The following COPS3 variants were observed in gnomAD, a reference collection of about 807,000 sequenced individuals.
COPS3 encodes COP9 signalosome subunit 3.
COPS3 carries 10 observed loss-of-function variants against 58.2 expected under a neutral mutation model. The observed-to-expected ratio is 0.17, with a 90% CI of 0.11 to 0.29. The LOEUF (loss-of-function observed/expected upper bound fraction) is 0.29. Ranked by LOEUF, COPS3 falls within the 10% of genes least tolerant of loss-of-function variation. COPS3 has a pLI of 1.00. For missense variants in COPS3, 333 were observed against 510.1 expected, an observed-to-expected ratio of 0.65 and a Z score of 3.34; for synonymous variants, 187 against 181.7, an observed-to-expected ratio of 1.03 and a Z score of -0.24.
chr17:17,256,095 C>T lies in COPS3; in HGVS notation c.937-1150G>A, dbSNP rs557408213. On this transcript the variant is annotated intron_variant, in intron 8 of 11. Transcript: ENST00000268717. Reference sequence around the variant, plus strand: ...TTGGGAGGCTGAGGCAGGAGAATGGCGTGAACCCAGGAGGTGGAGCTTGTT... The same window carrying T: ...TTGGGAGGCTGAGGCAGGAGAATGGTGTGAACCCAGGAGGTGGAGCTTGTT... Among the ~76,000 whole-genome samples, 20 of 149,860 alleles carry T rather than the reference C, an allele frequency of 1.3e-4. No homozygotes were observed. The South Asian group carries it at 3.8e-3, about 28-fold the overall frequency.
chr17:17,270,213 G>A (rs1266986688), intron 4 of COPS3, among the ~76,000 whole-genome samples: 1 of 151,598 alleles, frequency 6.6e-6, no homozygotes, highest in East Asian at 1.9e-4. Context: ...ACTATACTAT[G>A]TAACAGAATG....
chr17:17,250,178 C>T (rs947129606), intron 9 of COPS3, among the ~76,000 whole-genome samples: 4 of 151,732 alleles, frequency 2.6e-5, no homozygotes, highest in Non-Finnish European at 5.9e-5. Flanking sequence ...TGTGGTCTGG[C>T]TTCCCTTAGC....
chr17:17,262,252 A>G (rs762965468), intron 6 of COPS3, 146 bp from the exon 7 acceptor site: 204 of 787,886 alleles, frequency 2.6e-4, no homozygotes, highest in Admixed American at 8.3e-4. Context: ...GATAGAATTC[A>G]TTTTATTTTT....
chr17:17,280,738 G>T (rs1317203627), intron 1 of COPS3: 8 of 1,239,364 alleles, frequency 6.5e-6, no homozygotes, highest in Non-Finnish European at 8.3e-6. Flanking sequence ...AGCAAGCTGC[G>T]GATCGGCGGC....
At position 17,281,212 on chromosome 17, in the gene COPS3, C is replaced by G. The variant is rs955442762; in HGVS notation, c.-26G>C. 6 of 1,603,524 alleles carry G rather than the reference C, an allele frequency of 3.7e-6. No homozygotes were observed. Among genetic ancestry groups the G allele is most frequent in the Non-Finnish European group, 5.1e-6 (6 of 1,175,464 alleles). ...GTTTTCCCCCGGGCGGCCCGAGCGG[C>G]GAAGGCAGCACGCGCGGGAAAAGGC... On this transcript the variant is annotated 5_prime_UTR_variant, in exon 1 of 12. Transcript: ENST00000268717.
At chr17:17,264,296 A>G (rs2048174931) in intron 6 of COPS3, among the ~76,000 whole-genome samples, 1 of 152,106 alleles carries the variant, frequency 6.6e-6, no homozygotes, top group African/African-American at 2.4e-5. Flanking sequence ...GAGTCTGAGT[A>G]AACCTCCAGA....
At chr17:17,269,430 A>C (rs1027259372) in intron 4 of COPS3, among the ~76,000 whole-genome samples, 1 of 152,120 alleles carries the variant, frequency 6.6e-6, no homozygotes, top group African/African-American at 2.4e-5. Flanking sequence ...GTCTCAAAAA[A>C]CAAAACAAAA....
chr17:17,253,774 C>T (rs1394728950), intron 9 of COPS3, among the ~76,000 whole-genome samples: 1 of 152,108 alleles, frequency 6.6e-6, no homozygotes, highest in African/African-American at 2.4e-5. Context: ...GGAAGTAGCC[C>T]TACCTTATAC....
intron 4 of COPS3, among the ~76,000 whole-genome samples, chr17:17,269,899 G>C (rs762194267): frequency 2.3e-4 from 35 of 152,204 alleles, no homozygotes; most frequent in Non-Finnish European, 4.7e-4. Flanking sequence ...GCTCACGCCT[G>C]TAATCCTGGC....
intron 4 of COPS3, among the ~76,000 whole-genome samples, chr17:17,269,597 A>G (rs1201774126): frequency 6.6e-6 from 1 of 152,136 alleles, no homozygotes. Flanking sequence ...CTCCATTTCA[A>G]AAAAATAAAT....
intron 1 of COPS3, chr17:17,280,614 C>A (rs773424282): frequency 7.7e-7 from 1 of 1,302,822 alleles, no homozygotes; most frequent in Non-Finnish European, 1.0e-6. Flanking sequence ...CCAAAATAGG[C>A]GCACAGGTTC....
Position 17,276,212 on chromosome 17 carries a change from A to G in COPS3, c.56-48T>C, listed in dbSNP as rs372335723. 79 of 1,603,586 alleles carry G rather than the reference A, an allele frequency of 4.9e-5. No individual in the cohort carries two copies. In the African/African-American group the frequency reaches 9.5e-4, roughly 19 times the overall value. On this transcript the variant is annotated intron_variant, in intron 1 of 11. Coordinates refer to ENST00000268717, the MANE Select transcript of COPS3 (RefSeq NM_003653.4). ...TTGCATTTCAGCTACAGCACTAACC[A>G]AACTGATGGAACTCTAACCACAACT...
Position 17,280,679 on chromosome 17 carries a change from A to G in COPS3, c.55+453T>C, listed in dbSNP as rs1300328463. 3 of 1,304,582 alleles carry G rather than the reference A, an allele frequency of 2.3e-6. No individual in the cohort carries two copies. The East Asian group carries it at 1.7e-4, about 73-fold the overall frequency. The allele number at this position is 1,304,582 out of a possible 1,614,324, so 80.8% of individuals were successfully genotyped here. A position where few individuals can be genotyped will look rare whatever the true frequency, so the allele number is the denominator to read the frequency against. On this transcript the variant is annotated intron_variant, in intron 1 of 11. Transcript: ENST00000268717. ...GCTGGCAGAGGCGAGCCATAGAGCC[A>G]AGACACCCAGAACGGACTCGCCTCC...
intron 1 of COPS3, among the ~76,000 whole-genome samples, chr17:17,277,033 C>A (rs1236569264): frequency 1.3e-5 from 2 of 152,190 alleles, no homozygotes; most frequent in African/African-American, 4.8e-5. Context: ...GCTACTTCCC[C>A]TCACACACCT....
At chr17:17,271,545 C>T (rs189787137) in intron 2 of COPS3, among the ~76,000 whole-genome samples, 243 of 151,488 alleles carry the variant, frequency 1.6e-3, no homozygotes, top group African/African-American at 5.7e-3. Flanking sequence ...TTAGGCCTGG[C>T]GCAGTGGCTC....
chr17:17,255,021 G>T, intron 8 of COPS3, 76 bp from the exon 9 acceptor site: 1 of 1,035,048 alleles, frequency 9.7e-7, no homozygotes, highest in Non-Finnish European at 1.5e-6. Flanking sequence ...GTACAGAGCG[G>T]CCAGGCGTGG....
chr17:17,247,165 G>C lies in COPS3; in HGVS notation c.1219-14C>G. ...TGAGCCCATACTCTGTAAAGGTAAA[G>C]TGAAGTTATGTATTTATGTTTGCTT... On this transcript the variant is annotated splice_polypyrimidine_tract_variant and intron_variant, in intron 11 of 11. Coordinates refer to ENST00000268717, the MANE Select transcript of COPS3 (RefSeq NM_003653.4). 6.2e-7 allele frequency: 1 copy of C among 1,612,136 alleles called. No individual in the cohort carries two copies. The highest frequency in any genetic ancestry group is 8.5e-7 in the Non-Finnish European group (1 of 1,178,134).
At position 17,254,575 on chromosome 17, in the gene COPS3, C is replaced by G. The variant is rs377737592; in HGVS notation, c.1023+284G>C. Among the ~76,000 whole-genome samples the G allele has an allele frequency of 1.2e-4, 18 of 151,694 alleles. No individual in the cohort carries two copies. In the South Asian group the frequency reaches 1.7e-3, roughly 14 times the overall value. On this transcript the variant is annotated intron_variant, in intron 9 of 11. Coordinates refer to ENST00000268717, the MANE Select transcript of COPS3 (RefSeq NM_003653.4). ...GCCTATAATCCCAGCACTTTGGGAG[C>G]CCGAGGCGGGCAGATCACGTGGTCA... is the stretch of plus-strand genomic sequence containing the variant.
At position 17,280,176 on chromosome 17, in the gene COPS3, C is replaced by T. The variant is rs143485403; in HGVS notation, c.55+956G>A. Among the ~76,000 whole-genome samples, 941 of 152,264 alleles carry T rather than the reference C, an allele frequency of 6.2e-3. 10 individuals carry two copies. The highest frequency in any genetic ancestry group is 0.021 in the African/African-American group (893 of 41,550). The stretch of plus-strand genomic sequence containing the variant: ...CCTGTAATCCCAGCACTTTGGGAGG[C>T]CGAGGCCAGTGGATCACCTGAGATC... On this transcript the variant is annotated intron_variant, in intron 1 of 11. Coordinates refer to ENST00000268717, the MANE Select transcript of COPS3 (RefSeq NM_003653.4).
Sources: gnomAD v4.1 joint callset for allele counts (sites outside exome capture counted in the v4.1 genomes callset) on GRCh38, gnomAD v4.1.1 for gene constraint, MANE v1.5 for transcripts, NCBI Gene and HGNC (gene_info 2026-07-23, HGNC 2026-07-21) for gene names.